Variants in SKAP2 observed in about 807,000 individuals in gnomAD.
The protein encoded by SKAP2 is src kinase associated phosphoprotein 2.
A neutral mutation model predicts 54.9 loss-of-function variants in SKAP2; 28 were observed. That is an observed-to-expected ratio of 0.51 (90% CI 0.38 to 0.70). The LOEUF is 0.70. Ranked by LOEUF, SKAP2 falls within the 30% of genes least tolerant of loss-of-function variation. The pLI is 0.00. For synonymous variants in SKAP2, 137 were observed against 134.3 expected, an observed-to-expected ratio of 1.02 and a Z score of -0.14; for missense variants, 356 against 424.1, an observed-to-expected ratio of 0.84 and a Z score of 1.41.
At chr7:26,850,322 G>GT (rs1785012999) in intron 3 of SKAP2, among the ~76,000 whole-genome samples, 2 of 152,082 alleles carry the variant, frequency 1.3e-5, no homozygotes. Flanking sequence ...ACTCATGCCT[G>GT]TAAGTCCCAG....
intron 9 of SKAP2, among the ~76,000 whole-genome samples, chr7:26,691,885 T>G (rs1786791579): frequency 6.6e-6 from 1 of 152,128 alleles, no homozygotes; most frequent in Admixed American, 6.5e-5. Context: ...GGAGTTACGC[T>G]CATAGTTTGG....
chr7:26,811,080 C>A (rs57135974), intron 4 of SKAP2, among the ~76,000 whole-genome samples: 32,321 of 152,028 alleles, frequency 0.21, 3,517 homozygotes, highest in Non-Finnish European at 0.24. Context: ...AGTCTCAGAG[C>A]TTTCATCTCT....
chr7:26,680,426 A>G (rs976574701), intron 11 of SKAP2, among the ~76,000 whole-genome samples: 1 of 152,236 alleles, frequency 6.6e-6, no homozygotes, highest in African/African-American at 2.4e-5. Context: ...TAACAAAAAT[A>G]TTTAGCATTA....
the SKAP2 span, among the ~76,000 whole-genome samples, chr7:26,660,676 T>A: frequency 6.6e-6 from 1 of 152,024 alleles, no homozygotes; most frequent in African/African-American, 2.4e-5. Flanking sequence ...TATGTAATGA[T>A]AATAATATAA....
intron 11 of SKAP2, among the ~76,000 whole-genome samples, chr7:26,675,015 A>G (rs1216347231): frequency 6.6e-6 from 1 of 152,144 alleles, no homozygotes; most frequent in Non-Finnish European, 1.5e-5. Flanking sequence ...TTTTACCTAC[A>G]TGACTCTATT....
At chr7:26,825,241 G>C (rs1315150187) in intron 4 of SKAP2, among the ~76,000 whole-genome samples, 1 of 152,012 alleles carries the variant, frequency 6.6e-6, no homozygotes, top group African/African-American at 2.4e-5. Flanking sequence ...ATTAATACTA[G>C]CCTTACTTTA....
intron 4 of SKAP2, among the ~76,000 whole-genome samples, chr7:26,747,461 C>T (rs1171155910): frequency 6.6e-6 from 1 of 152,042 alleles, no homozygotes; most frequent in Non-Finnish European, 1.5e-5. Flanking sequence ...CTAATCTCCT[C>T]CCTCCTCTGT....
At chr7:26,740,653 T>C (rs574062525) in intron 4 of SKAP2, among the ~76,000 whole-genome samples, 1 of 152,336 alleles carries the variant, frequency 6.6e-6, no homozygotes, top group African/African-American at 2.4e-5. Context: ...TTACTCAATT[T>C]TACAAGTGTT....
intron 4 of SKAP2, among the ~76,000 whole-genome samples, chr7:26,750,446 G>A (rs1378948084): frequency 6.6e-6 from 1 of 151,776 alleles, no homozygotes; most frequent in Non-Finnish European, 1.5e-5. Context: ...AAGTAGCTGG[G>A]ATTACAGGCA....
intron 11 of SKAP2, among the ~76,000 whole-genome samples, chr7:26,674,080 TA>T (rs1786297653): frequency 1.3e-5 from 2 of 152,162 alleles, no homozygotes; most frequent in African/African-American, 4.8e-5. Flanking sequence ...CCTGAAACAT[TA>T]AAAGATTTAA....
chr7:26,820,681 T>C (rs2127990227), intron 4 of SKAP2, among the ~76,000 whole-genome samples: 1 of 152,248 alleles, frequency 6.6e-6, no homozygotes, highest in Non-Finnish European at 1.5e-5. Flanking sequence ...ATGCCTGCCA[T>C]ATTTATTAGC....
chr7:26,740,600 T>G (rs969984054), intron 4 of SKAP2, among the ~76,000 whole-genome samples: 62 of 152,214 alleles, frequency 4.1e-4, no homozygotes, highest in African/African-American at 1.4e-3. Context: ...AAGCAAAAGT[T>G]AAGTTGATTA....
At chr7:26,791,396 G>A (rs2127981651) in intron 4 of SKAP2, among the ~76,000 whole-genome samples, 1 of 151,740 alleles carries the variant, frequency 6.6e-6, no homozygotes, top group Admixed American at 6.6e-5. Context: ...GGCTGGTCTT[G>A]TACTCCTGGG....
the SKAP2 span, among the ~76,000 whole-genome samples, chr7:26,659,756 A>G: frequency 6.6e-6 from 1 of 152,110 alleles, no homozygotes; most frequent in Non-Finnish European, 1.5e-5. Context: ...ACTTATAAAT[A>G]ATGAAGTAAA....
At chr7:26,670,224 T>G (rs748611481) in intron 11 of SKAP2, 32 bp from the exon 12 acceptor site, 15 of 958,586 alleles carry the variant, frequency 1.6e-5, no homozygotes, top group Non-Finnish European at 3.4e-6. Context: ...TATTAACCTT[T>G]AGACTGGTGT....
chr7:26,825,773 A>T (rs1317182105), intron 4 of SKAP2, among the ~76,000 whole-genome samples: 1 of 152,184 alleles, frequency 6.6e-6, no homozygotes, highest in Non-Finnish European at 1.5e-5. Flanking sequence ...AGCATGCTAA[A>T]TAATTATTTT....
At chr7:26,818,815 G>A (rs1348685905) in intron 4 of SKAP2, among the ~76,000 whole-genome samples, 1 of 152,156 alleles carries the variant, frequency 6.6e-6, no homozygotes, top group Non-Finnish European at 1.5e-5. Context: ...ACAAACATAT[G>A]AAGGAAAGCT....
chr7:26,701,459 G>A (rs991492920), intron 9 of SKAP2, among the ~76,000 whole-genome samples: 2 of 152,212 alleles, frequency 1.3e-5, no homozygotes, highest in East Asian at 3.9e-4. Context: ...CAGGCTGGGC[G>A]CAGTGGCTCA....
chr7:26,740,256 GAA>G (rs1347508983), intron 4 of SKAP2, among the ~76,000 whole-genome samples: 1 of 151,436 alleles, frequency 6.6e-6, no homozygotes, highest in Non-Finnish European at 1.5e-5. Context: ...ATAAATCCCT[GAA>G]AGAGAGGTTA....
Sources: gnomAD v4.1 joint callset for allele counts (sites outside exome capture counted in the v4.1 genomes callset) on GRCh38, gnomAD v4.1.1 for gene constraint, MANE v1.5 for transcripts, NCBI Gene and HGNC (gene_info 2026-07-23, HGNC 2026-07-21) for gene names.